The following ZNF589 variants were observed in gnomAD, a reference collection of about 807,000 sequenced individuals.
The protein encoded by ZNF589 is zinc finger protein 589, also known as KRAB-zinc finger protein SZF1-1.
Under a neutral mutation model 13.6 loss-of-function variants are expected in ZNF589, and 17 were observed. The observed-to-expected ratio is 1.25, with a 90% CI of 0.86 to 1.88. The LOEUF (loss-of-function observed/expected upper bound fraction) is 1.88. Among genes scored for constraint, ZNF589 ranks in the 40% most tolerant of loss-of-function variants. The probability of loss-of-function intolerance (pLI) is 0.00; values close to 1 mark genes in which losing one functional copy is unlikely to be tolerated. For missense variants in ZNF589, 407 were observed against 434.0 expected (o/e 0.94, Z 0.55); for synonymous variants, 148 against 161.6 (o/e 0.92, Z 0.64).
At chr3:48,256,591 C>G in intron 2 of ZNF589, 1 of 743,790 alleles carries the variant, frequency 1.3e-6, no homozygotes, top group Non-Finnish European at 2.4e-6. Flanking sequence ...TCACACACCC[C>G]TCAATCTTGC....
intron 1 of ZNF589, among the ~76,000 whole-genome samples, chr3:48,245,987 C>A (rs573004068): frequency 5.5e-4 from 83 of 151,680 alleles, no homozygotes; most frequent in African/African-American, 1.9e-3. Flanking sequence ...GCTTGAGCTT[C>A]CCTCCAGAGA....
Position 48,268,222 on chromosome 3 carries a change from C to T in ZNF589, c.531C>T (p.Ser177=), listed in dbSNP as rs1396448873. ...FSSLFQRPPI[S]SWGGNRILEI... ...GCCTGTTCCAGAGACCACCAATAAG[C>T]TCTTGGGGAGGCAACAGAATATTAG... Residue 177 remains serine (S), a synonymous_variant, in exon 4 of 4, where the codon AGC becomes AGT. Coordinates refer to ENST00000354698, the MANE Select transcript of ZNF589 (RefSeq NM_016089.3). The T allele has an allele frequency of 1.9e-6, 3 of 1,606,098 alleles. No individual in the cohort carries two copies.
intron 3 of ZNF589, among the ~76,000 whole-genome samples, chr3:48,267,013 A>G (rs953259329): frequency 2.0e-5 from 3 of 152,192 alleles, no homozygotes; most frequent in Admixed American, 6.5e-5. Context: ...CCAATGTAGA[A>G]TGCAGTACAG....
intron 2 of ZNF589, chr3:48,256,430 TC>T (rs2033903928): frequency 3.6e-6 from 2 of 555,936 alleles, no homozygotes; most frequent in Admixed American, 2.4e-5. Context: ...AACGCCCTGT[TC>T]CAGGGGAGGC....
chr3:48,251,183 T>G (rs1575292414), intron 2 of ZNF589, among the ~76,000 whole-genome samples: 1 of 152,160 alleles, frequency 6.6e-6, no homozygotes. Flanking sequence ...GATGTGGCTG[T>G]GCTTTTCATT....
At chr3:48,251,077 T>G (rs1159053204) in intron 2 of ZNF589, among the ~76,000 whole-genome samples, 1 of 152,116 alleles carries the variant, frequency 6.6e-6, no homozygotes, top group Non-Finnish European at 1.5e-5. Flanking sequence ...GTAGCTAGAT[T>G]CTCCAAGACC....
At chr3:48,265,459 G>C (rs2034010282) in intron 3 of ZNF589, among the ~76,000 whole-genome samples, 1 of 151,428 alleles carries the variant, frequency 6.6e-6, no homozygotes, top group East Asian at 1.9e-4. Flanking sequence ...ATTAATTTTT[G>C]TATTTTTAGT....
chr3:48,243,489 A>G (rs2033719977), intron 1 of ZNF589, among the ~76,000 whole-genome samples: 2 of 152,052 alleles, frequency 1.3e-5, no homozygotes, highest in African/African-American at 4.8e-5. Context: ...TGCCAAGACC[A>G]GTTCAATTGG....
At chr3:48,262,781 T>C (rs961472052) in intron 3 of ZNF589, among the ~76,000 whole-genome samples, 24 of 152,206 alleles carry the variant, frequency 1.6e-4, no homozygotes, top group Admixed American at 1.4e-3. Context: ...TTAGATAATA[T>C]CGTAATTTTT....
intron 1 of ZNF589, among the ~76,000 whole-genome samples, chr3:48,241,438 A>G (rs774274095): frequency 1.4e-4 from 22 of 152,350 alleles, no homozygotes; most frequent in Non-Finnish European, 8.8e-5. Context: ...GGCATCCTGC[A>G]CTTGTGCACT....
At chr3:48,265,501 G>T (rs1047980993) in intron 3 of ZNF589, among the ~76,000 whole-genome samples, 1 of 151,142 alleles carries the variant, frequency 6.6e-6, no homozygotes, top group Non-Finnish European at 1.5e-5. Context: ...TGGCCAGGCT[G>T]GTTTCGAACT....
intron 2 of ZNF589, among the ~76,000 whole-genome samples, chr3:48,258,323 G>A (rs1415540851): frequency 6.6e-6 from 1 of 152,114 alleles, no homozygotes; most frequent in Non-Finnish European, 1.5e-5. Flanking sequence ...TTTCCACATG[G>A]TCGTTGTTAA....
chr3:48,269,511 C>T lies in ZNF589; in HGVS notation c.*725C>T. ...CTCAACAGACACTGGAGGACACACA[C>T]AGGAGAGAAACCTTACGCATGCATC... On this transcript the variant is annotated 3_prime_UTR_variant, in exon 4 of 4. Coordinates refer to ENST00000354698, the MANE Select transcript of ZNF589 (RefSeq NM_016089.3). 5.1e-6 allele frequency: 2 copies of T among 392,354 alleles called. No homozygotes were observed. Among genetic ancestry groups the T allele is most frequent in the South Asian group, 4.4e-5 (2 of 45,000 alleles). The allele number at this position is 392,354 out of a possible 1,614,324, so 24.3% of individuals were successfully genotyped here.
chr3:48,256,480 G>A (rs1575293772), intron 2 of ZNF589: 1 of 592,180 alleles, frequency 1.7e-6, no homozygotes, highest in East Asian at 3.5e-5. Flanking sequence ...GGGGACCCCA[G>A]TGGGTCAGGT....
intron 2 of ZNF589, among the ~76,000 whole-genome samples, chr3:48,259,104 C>T (rs751912818): frequency 1.3e-5 from 2 of 152,218 alleles, no homozygotes; most frequent in African/African-American, 2.4e-5. Flanking sequence ...CAGCAGCCCA[C>T]ACCACTGCCC....
intron 2 of ZNF589, among the ~76,000 whole-genome samples, chr3:48,248,198 A>G (rs958241916): frequency 1.3e-5 from 2 of 152,226 alleles, no homozygotes; most frequent in Non-Finnish European, 2.9e-5. Flanking sequence ...AAGGCATCAT[A>G]CCATTTAATC....
intron 2 of ZNF589, among the ~76,000 whole-genome samples, chr3:48,257,588 TA>T (rs879904039): frequency 4.6e-5 from 7 of 151,758 alleles, no homozygotes; most frequent in African/African-American, 4.8e-5. Context: ...GGTTTATTAT[TA>T]TTTTTTTTAA....
At position 48,266,369 on chromosome 3, in the gene ZNF589, C is replaced by G. The variant is rs111419716; in HGVS notation, c.224-1546C>G. On this transcript the variant is annotated intron_variant, in intron 3 of 3. Coordinates refer to ENST00000354698, the MANE Select transcript of ZNF589 (RefSeq NM_016089.3). ...GACACCCAGCCCAACTGCTCCAACT[C>G]TCTCAGGACAGGAAGAGGGATGAGG... Among the ~76,000 whole-genome samples the G allele has an allele frequency of 2.2e-3, 331 of 152,282 alleles. 3 individuals are homozygous for G. The highest frequency in any genetic ancestry group is 7.1e-3 in the African/African-American group (295 of 41,564).
intron 1 of ZNF589, among the ~76,000 whole-genome samples, chr3:48,245,858 A>T (rs1031868747): frequency 1.3e-5 from 2 of 151,418 alleles, no homozygotes; most frequent in Admixed American, 6.6e-5. Flanking sequence ...GATGCAGGAG[A>T]ATTGCTTGAA....
Sources: gnomAD v4.1 joint callset for allele counts (sites outside exome capture counted in the v4.1 genomes callset) on GRCh38, gnomAD v4.1.1 for gene constraint, MANE v1.5 for transcripts, NCBI Gene and HGNC (gene_info 2026-07-23, HGNC 2026-07-21) for gene names.